TTLL5: variants seen among roughly 807,000 people sequenced by gnomAD.
The protein encoded by TTLL5 is tubulin tyrosine ligase like 5.
Under a neutral mutation model 168.4 loss-of-function variants are expected in TTLL5, and 132 were observed. The ratio of observed to expected loss-of-function variants is 0.78; its 90% CI spans 0.68 to 0.91. The LOEUF is 0.91. Among genes scored for constraint, TTLL5 ranks in the 40% least tolerant of loss-of-function variants. The pLI, the probability that TTLL5 is intolerant of heterozygous loss-of-function variation, is 0.00. For missense variants in TTLL5, 1,545 were observed against 1,581.5 expected (o/e 0.98, Z 0.39); for synonymous variants, 546 against 558.6 (o/e 0.98, Z 0.32).
chr14:75,810,355 CTGTT>C (rs1893920917), intron 27 of TTLL5, among the ~76,000 whole-genome samples: 1 of 151,856 alleles, frequency 6.6e-6, no homozygotes, highest in Non-Finnish European at 1.5e-5. Flanking sequence ...CTCTCTCTCT[CTGTT>C]TTTCTTTTTG....
chr14:75,787,473 C>T (rs1402529872), intron 26 of TTLL5, among the ~76,000 whole-genome samples: 1 of 152,174 alleles, frequency 6.6e-6, no homozygotes, highest in African/African-American at 2.4e-5. Flanking sequence ...CTAAAAGTGT[C>T]TGCACCTCAT....
intron 18 of TTLL5, among the ~76,000 whole-genome samples, chr14:75,758,229 G>C (rs977055545): frequency 2.6e-5 from 4 of 152,158 alleles, no homozygotes; most frequent in African/African-American, 9.7e-5. Flanking sequence ...GTACAGAAGA[G>C]AACCTGTTTC....
At chr14:75,730,092 AAC>A (rs2140228334) in intron 12 of TTLL5, among the ~76,000 whole-genome samples, 1 of 152,334 alleles carries the variant, frequency 6.6e-6, no homozygotes, top group East Asian at 1.9e-4. Context: ...CACTTTATGA[AAC>A]AGTTGAATCC....
At chr14:75,909,902 C>T (rs1203792380) in intron 31 of TTLL5, among the ~76,000 whole-genome samples, 1 of 152,234 alleles carries the variant, frequency 6.6e-6, no homozygotes, top group Non-Finnish European at 1.5e-5. Flanking sequence ...AGGCCTCTTG[C>T]ATTTCATTTA....
At chr14:75,948,271 G>A (rs939245790) in intron 31 of TTLL5, among the ~76,000 whole-genome samples, 2 of 152,118 alleles carry the variant, frequency 1.3e-5, no homozygotes, top group Non-Finnish European at 2.9e-5. Flanking sequence ...GATCACCTGA[G>A]GTCAGGAGTT....
chr14:75,730,687 A>G (rs1366285415), intron 12 of TTLL5, among the ~76,000 whole-genome samples: 1 of 151,990 alleles, frequency 6.6e-6, no homozygotes, highest in Non-Finnish European at 1.5e-5. Context: ...GATTTCCCCA[A>G]GTTCCACAGT....
chr14:75,824,195 T>G (rs900724334), intron 28 of TTLL5, among the ~76,000 whole-genome samples: 3 of 152,200 alleles, frequency 2.0e-5, no homozygotes, highest in African/African-American at 7.2e-5. Context: ...TCTCAAAATT[T>G]ACTCTCTAGG....
chr14:75,771,935 G>C, intron 21 of TTLL5, 81 bp downstream of exon 21: 4 of 1,458,934 alleles, frequency 2.7e-6, no homozygotes, highest in Non-Finnish European at 3.7e-6. Context: ...TTCCTATTAG[G>C]GTAAAGTGCG....
At chr14:75,754,938 G>GCTTATGAAGCATTCTAAAAA (rs1160489276) in intron 18 of TTLL5, among the ~76,000 whole-genome samples, 1 of 151,976 alleles carries the variant, frequency 6.6e-6, no homozygotes, top group East Asian at 1.9e-4. Context: ...AACAGCTCCT[G>GCTTATGAAGCATTCTAAAAA]CTTATGAAGC....
At chr14:75,735,524 A>T (rs990713941) in intron 15 of TTLL5, among the ~76,000 whole-genome samples, 6 of 151,930 alleles carry the variant, frequency 3.9e-5, no homozygotes, top group East Asian at 3.9e-4. Context: ...GCTTTTTTTC[A>T]TTATCTTCCT....
At chr14:75,746,273 T>C (rs991837126) in intron 17 of TTLL5, among the ~76,000 whole-genome samples, 2 of 152,184 alleles carry the variant, frequency 1.3e-5, no homozygotes, top group African/African-American at 2.4e-5. Context: ...TACTATGTCA[T>C]TGTTTGAATA....
At chr14:75,798,992 G>A (rs572681261) in intron 27 of TTLL5, among the ~76,000 whole-genome samples, 1 of 152,072 alleles carries the variant, frequency 6.6e-6, no homozygotes, top group Admixed American at 6.6e-5. Context: ...TTGTTCTAGG[G>A]TATGGTTTAT....
chr14:75,873,813 C>A (rs565552802), intron 29 of TTLL5, among the ~76,000 whole-genome samples: 113 of 152,174 alleles, frequency 7.4e-4, no homozygotes, highest in Non-Finnish European at 9.1e-4. Flanking sequence ...TAATTTTTAA[C>A]CGTAAATATA....
intron 5 of TTLL5, among the ~76,000 whole-genome samples, chr14:75,687,448 A>G (rs1885151277): frequency 1.3e-5 from 2 of 151,748 alleles, no homozygotes; most frequent in African/African-American, 4.8e-5. Flanking sequence ...TTTTTTTTGT[A>G]GTTTTAGTAG....
At chr14:75,813,292 GT>G (rs1894178407) in intron 27 of TTLL5, among the ~76,000 whole-genome samples, 1 of 149,936 alleles carries the variant, frequency 6.7e-6, no homozygotes, top group Non-Finnish European at 1.5e-5. Flanking sequence ...GTGTGTGTGT[GT>G]GTGTGTGTGT....
intron 3 of TTLL5, among the ~76,000 whole-genome samples, chr14:75,673,107 TA>T (rs370338659): frequency 0.018 from 2,533 of 141,656 alleles, 81 homozygotes; most frequent in African/African-American, 0.057. Context: ...GCTAGCTAAT[TA>T]AAAAAAAAAA....
At chr14:75,859,329 T>C (rs953220690) in intron 28 of TTLL5, among the ~76,000 whole-genome samples, 2 of 152,202 alleles carry the variant, frequency 1.3e-5, no homozygotes, top group African/African-American at 4.8e-5. Context: ...AAACATTTCA[T>C]CCTGCAGTGC....
At chr14:75,843,912 G>A (rs1256537999) in intron 28 of TTLL5, among the ~76,000 whole-genome samples, 5 of 16,348 alleles carry the variant, frequency 3.1e-4, no homozygotes, top group Admixed American at 9.7e-4. Context: ...ATTTTATTTT[G>A]AGATGGAGCC....
At chr14:75,690,400 T>G in intron 6 of TTLL5, 78 bp downstream of exon 6, 1 of 1,505,136 alleles carries the variant, frequency 6.6e-7, no homozygotes, top group Non-Finnish European at 8.9e-7. Context: ...CTCCTCAAGG[T>G]GTCAACCAAT....
Sources: gnomAD v4.1 joint callset for allele counts (sites outside exome capture counted in the v4.1 genomes callset) on GRCh38, gnomAD v4.1.1 for gene constraint, MANE v1.5 for transcripts, NCBI Gene and HGNC (gene_info 2026-07-23, HGNC 2026-07-21) for gene names.